PDPR: variants seen among roughly 807,000 people sequenced by gnomAD.
The protein encoded by PDPR is pyruvate dehydrogenase phosphatase regulatory subunit, also known as pyruvate dehydrogenase phosphatase regulatory subunit, mitochondrial.
Under a neutral mutation model 102.2 loss-of-function variants are expected in PDPR, and 50 were observed. The observed-to-expected ratio is 0.49, with a 90% CI of 0.39 to 0.62. The LOEUF is 0.62. Ranked by LOEUF, PDPR falls within the 20% of genes least tolerant of loss-of-function variation. The pLI is 0.00. For synonymous variants in PDPR, 259 were observed against 406.0 expected, an observed-to-expected ratio of 0.64 and a Z score of 4.35; for missense variants, 625 against 1,098.2, an observed-to-expected ratio of 0.57 and a Z score of 6.09.
intron 17 of PDPR, among the ~76,000 whole-genome samples, chr16:70,152,906 C>T (rs546317341): frequency 1.6e-4 from 25 of 152,400 alleles, no homozygotes; most frequent in African/African-American, 4.6e-4. Context: ...CGCCGTCATC[C>T]GATGTGTGCA....
chr16:70,148,897 A>ATT (rs1358229554), intron 17 of PDPR, among the ~76,000 whole-genome samples: 107 of 147,210 alleles, frequency 7.3e-4, no homozygotes, highest in East Asian at 5.4e-3. Context: ...TTCATAATTA[A>ATT]TTTTTTTTTT....
chr16:70,124,385 C>G (rs1963701786), intron 3 of PDPR, among the ~76,000 whole-genome samples: 1 of 152,250 alleles, frequency 6.6e-6, no homozygotes, highest in African/African-American at 2.4e-5. Context: ...ATTATTATGC[C>G]TTATCCGTGG....
intron 9 of PDPR, among the ~76,000 whole-genome samples, chr16:70,133,419 G>A (rs1340792784): frequency 1.2e-5 from 1 of 81,180 alleles, no homozygotes; most frequent in Non-Finnish European, 2.3e-5. Flanking sequence ...ACTGCGTCTG[G>A]CCTTTTTTTT....
rs1318546191 is a variant in PDPR, at chr16:70,116,827, A to C, written c.-33+1897A>C. 6.6e-5 allele frequency among the ~76,000 whole-genome samples: 10 copies of C among 151,940 alleles called. 1 individual carries two copies. Among genetic ancestry groups the C allele is most frequent in the Admixed American group, 5.9e-4 (9 of 15,260 alleles). On this transcript the variant is annotated intron_variant, in intron 2 of 18. Transcript: ENST00000288050. ...AAAGTGCTGAGATAACAGGCGTGAG[A>C]CATGGCGCCCGGCCTAAAGTTTTTT...
chr16:70,119,901 G>GTTTTTTT, intron 2 of PDPR, among the ~76,000 whole-genome samples: 1 of 134,810 alleles, frequency 7.4e-6, no homozygotes, highest in Non-Finnish European at 1.5e-5. Context: ...TTCTTTTTTT[G>GTTTTTTT]TTTTTTTTTT....
chr16:70,154,177 A>G (rs1966872998), intron 18 of PDPR, among the ~76,000 whole-genome samples: 1 of 152,194 alleles, frequency 6.6e-6, no homozygotes, highest in African/African-American at 2.4e-5. Context: ...AATTTACAAA[A>G]AGTAGCTGGG....
At position 70,124,964 on chromosome 16, in the gene PDPR, C is replaced by T. The variant is rs1963770573; in HGVS notation, c.228-2296C>T. Among the ~76,000 whole-genome samples, 3 of 152,362 alleles carry T rather than the reference C, an allele frequency of 2.0e-5. No individual in the cohort carries two copies. In the East Asian group the frequency reaches 5.8e-4, roughly 29 times the overall value. ...TCCCTTGCAAAACTGGGTCTTTGGG[C>T]CCTAGCATTACTGTAGCCTTTATAT... On this transcript the variant is annotated intron_variant, in intron 3 of 18. Transcript: ENST00000288050.
At position 70,162,434 on chromosome 16, in the gene PDPR, G is replaced by C. The variant is rs1361774205; in HGVS notation, c.*5555G>C. Reference sequence around the variant, plus strand: ...CGAGCATTTCTGCCCCTGTGAATGTGGCACTAACACTGTGCACTGTCTCCA... The same window carrying C: ...CGAGCATTTCTGCCCCTGTGAATGTCGCACTAACACTGTGCACTGTCTCCA... On this transcript the variant is annotated 3_prime_UTR_variant, in exon 19 of 19. Coordinates refer to ENST00000288050, the MANE Select transcript of PDPR (RefSeq NM_017990.5). 1 of 152,432 alleles carries C rather than the reference G, an allele frequency of 6.6e-6. No individual in the cohort carries two copies. The highest frequency in any genetic ancestry group is 1.5e-5 in the Non-Finnish European group (1 of 68,132). 9.4% of individuals were successfully genotyped at this position (152,432 alleles called of 1,614,324 possible). A position where few individuals can be genotyped will look rare whatever the true frequency, so the allele number is the denominator to read the frequency against.
Position 70,136,210 on chromosome 16 carries a change from C to T in PDPR, c.1014C>T (p.Ser338=), listed in dbSNP as rs776041874. ...DWDHFEPLLS[S]LLRRMPELET... Reference sequence around the variant, plus strand: ...ATTGCTCAGAGCCTCTGTTGAGTTCCCTTCTGAGGAGGATGCCAGAATTAG... The same window carrying T: ...ATTGCTCAGAGCCTCTGTTGAGTTCTCTTCTGAGGAGGATGCCAGAATTAG... Residue 338 remains serine (S), a synonymous_variant, in exon 10 of 19, where the codon TCC becomes TCT. Coordinates refer to ENST00000288050, the MANE Select transcript of PDPR (RefSeq NM_017990.5). The T allele has an allele frequency of 5.7e-6, 9 of 1,591,414 alleles. No homozygotes were observed. The African/African-American group carries it at 1.1e-4, about 19-fold the overall frequency.
intron 11 of PDPR, among the ~76,000 whole-genome samples, chr16:70,139,718 C>G: frequency 6.6e-6 from 1 of 152,192 alleles, no homozygotes. Context: ...GGAATTGAAC[C>G]AAACCACGTG....
At chr16:70,153,347 T>C (rs745808254) in intron 17 of PDPR, 44 bp from the exon 18 acceptor site, 1 of 1,576,180 alleles carries the variant, frequency 6.3e-7, no homozygotes, top group East Asian at 2.3e-5. Flanking sequence ...CCATGCTTAA[T>C]TCTGAAGGTC....
chr16:70,136,903 T>C (rs1000568021), intron 10 of PDPR, among the ~76,000 whole-genome samples: 6 of 152,204 alleles, frequency 3.9e-5, no homozygotes, highest in African/African-American at 7.2e-5. Context: ...CCAAGACATC[T>C]GGCTAATTTT....
At position 70,159,450 on chromosome 16, in the gene PDPR, T is replaced by G. The variant is rs1402843120; in HGVS notation, c.*2571T>G. The G allele has an allele frequency of 6.6e-6, 1 of 152,610 alleles. No individual in the cohort carries two copies. The highest frequency in any genetic ancestry group is 2.4e-5 in the African/African-American group (1 of 41,470). 9.5% of individuals were successfully genotyped at this position (152,610 alleles called of 1,614,324 possible). A position where few individuals can be genotyped will look rare whatever the true frequency, so the allele number is the denominator to read the frequency against. On this transcript the variant is annotated 3_prime_UTR_variant, in exon 19 of 19. Coordinates refer to ENST00000288050, the MANE Select transcript of PDPR (RefSeq NM_017990.5). Reference sequence around the variant, plus strand: ...GATGGGGTGTTGATCTTCTAGGACATCACTTGTTTATTCAGTGCCCCAAAC... The same window carrying G: ...GATGGGGTGTTGATCTTCTAGGACAGCACTTGTTTATTCAGTGCCCCAAAC...
At position 70,160,808 on chromosome 16, in the gene PDPR, A is replaced by G. The variant is rs898401799; in HGVS notation, c.*3929A>G. The stretch of plus-strand genomic sequence containing the variant: ...TGGTGGCAGTAGCGATGCAAGAATG[A>G]TGGGAGCTTTCCGAGAGCGTTCAGT... On this transcript the variant is annotated 3_prime_UTR_variant, in exon 19 of 19. Coordinates refer to ENST00000288050, the MANE Select transcript of PDPR (RefSeq NM_017990.5). 17 of 152,498 alleles carry G rather than the reference A, an allele frequency of 1.1e-4. No homozygotes were observed. The highest frequency in any genetic ancestry group is 2.2e-4 in the Non-Finnish European group (15 of 68,192). The allele number at this position is 152,498 out of a possible 1,614,324, so 9.4% of individuals were successfully genotyped here. A position where few individuals can be genotyped will look rare whatever the true frequency, so the allele number is the denominator to read the frequency against.
chr16:70,149,894 C>T (rs1966573269), intron 17 of PDPR, among the ~76,000 whole-genome samples: 1 of 151,334 alleles, frequency 6.6e-6, no homozygotes, highest in South Asian at 2.1e-4. Flanking sequence ...GGGTTCACGC[C>T]ATTCTCCTGC....
intron 9 of PDPR, among the ~76,000 whole-genome samples, 171 bp from the exon 10 acceptor site, chr16:70,136,023 C>A (rs142367036): frequency 0.011 from 1,569 of 147,960 alleles, no homozygotes; most frequent in African/African-American, 0.037. Flanking sequence ...GAGCCGAGAT[C>A]GTGCCACCAC....
At chr16:70,114,031 A>G (rs1398965721), upstream of PDPR, 1 of 152,096 alleles carries the variant, frequency 6.6e-6, no homozygotes, top group African/African-American at 2.4e-5. Context: ...ATCATCTCAG[A>G]TGTTCCGGTT....
intron 10 of PDPR, among the ~76,000 whole-genome samples, chr16:70,137,218 T>C (rs1204911779): frequency 6.6e-6 from 1 of 152,102 alleles, no homozygotes; most frequent in African/African-American, 2.4e-5. Flanking sequence ...TAGCCGGGCG[T>C]TGTGGCGGGT....
At chr16:70,146,293 G>A (rs2549254) in intron 16 of PDPR, 65 bp downstream of exon 16, 3 of 1,604,974 alleles carry the variant, frequency 1.9e-6, no homozygotes, top group East Asian at 4.5e-5. Context: ...GCGGTGGCAG[G>A]TACATATTCT....
Sources: gnomAD v4.1 joint callset for allele counts (sites outside exome capture counted in the v4.1 genomes callset) on GRCh38, gnomAD v4.1.1 for gene constraint, MANE v1.5 for transcripts, NCBI Gene and HGNC (gene_info 2026-07-23, HGNC 2026-07-21) for gene names.